CACNA1C: variants seen among roughly 807,000 people sequenced by gnomAD.
CACNA1C encodes calcium voltage-gated channel subunit alpha1 C.
A neutral mutation model predicts 229.0 loss-of-function variants in CACNA1C; 30 were observed. The observed-to-expected ratio is 0.13, with a 90% CI of 0.10 to 0.18. CACNA1C has a LOEUF of 0.18. CACNA1C is among the 10% of genes least tolerant of loss of function. The pLI, the probability that CACNA1C is intolerant of heterozygous loss-of-function variation, is 1.00. For missense variants in CACNA1C, 1,658 were observed against 2,845.0 expected (o/e 0.58, Z 9.49); for synonymous variants, 1,114 against 1,132.5 (o/e 0.98, Z 0.33).
At chr12:2,640,084 G>A (rs1323813743) in intron 30 of CACNA1C, among the ~76,000 whole-genome samples, 1 of 152,170 alleles carries the variant, frequency 6.6e-6, no homozygotes, top group Non-Finnish European at 1.5e-5. Flanking sequence ...ATGACCTGAT[G>A]AGCACGGATC....
intron 3 of CACNA1C, among the ~76,000 whole-genome samples, chr12:2,430,141 G>T (rs2283308): frequency 0.77 from 116,957 of 151,920 alleles, 45,133 homozygotes; most frequent in Admixed American, 0.81. Context: ...CTGGGTCTCT[G>T]GTATAACAGT....
chr12:2,523,155 G>T (rs371739124), intron 9 of CACNA1C, among the ~76,000 whole-genome samples: 1 of 151,680 alleles, frequency 6.6e-6, no homozygotes, highest in Non-Finnish European at 1.5e-5. Flanking sequence ...GGGCGGGGGC[G>T]GTGGTGCTGG....
At chr12:2,571,543 A>G (rs1472537941) in intron 13 of CACNA1C, among the ~76,000 whole-genome samples, 2 of 152,314 alleles carry the variant, frequency 1.3e-5, no homozygotes, top group Admixed American at 6.5e-5. Flanking sequence ...CATTCATTCT[A>G]TTTTTAATCA....
chr12:2,448,145 C>CA (rs1340476245), intron 3 of CACNA1C, among the ~76,000 whole-genome samples: 1 of 152,162 alleles, frequency 6.6e-6, no homozygotes, highest in Non-Finnish European at 1.5e-5. Flanking sequence ...ATTGAGCCAA[C>CA]AAGTTTGTCC....
At chr12:2,201,225 G>A (rs1048207804) in intron 3 of CACNA1C, among the ~76,000 whole-genome samples, 2 of 151,802 alleles carry the variant, frequency 1.3e-5, no homozygotes, top group Non-Finnish European at 3.0e-5. Flanking sequence ...AAAAAATAAA[G>A]AAGGGCACAG....
At chr12:2,083,491 G>A (rs1218292934) in intron 1 of CACNA1C, among the ~76,000 whole-genome samples, 1 of 152,184 alleles carries the variant, frequency 6.6e-6, no homozygotes, top group Admixed American at 6.5e-5. Flanking sequence ...CATGTACCTT[G>A]CCATTGGAGA....
intron 29 of CACNA1C, among the ~76,000 whole-genome samples, chr12:2,621,845 A>G (rs149222574): frequency 7.6e-4 from 116 of 152,298 alleles, no homozygotes; most frequent in African/African-American, 2.7e-3. Context: ...ATGTGGGGAT[A>G]TATTAGGTTA....
chr12:2,671,268 C>T (rs979135365), intron 38 of CACNA1C, among the ~76,000 whole-genome samples: 1 of 152,176 alleles, frequency 6.6e-6, no homozygotes, highest in Non-Finnish European at 1.5e-5. Context: ...CCGACTGGGC[C>T]TCCCAAAGTG....
chr12:2,008,690 A>G (rs2043892749), intron 1 of CACNA1C, among the ~76,000 whole-genome samples: 1 of 152,202 alleles, frequency 6.6e-6, no homozygotes, highest in Non-Finnish European at 1.5e-5. Context: ...ATTCTAAGGG[A>G]GATAGAAAAA....
intron 1 of CACNA1C, among the ~76,000 whole-genome samples, chr12:2,045,852 G>A (rs973583742): frequency 1.8e-4 from 28 of 151,960 alleles, no homozygotes; most frequent in African/African-American, 6.5e-4. Context: ...CTTTGCAGAT[G>A]TAATTAACTT....
intron 13 of CACNA1C, among the ~76,000 whole-genome samples, chr12:2,572,037 C>CTTTTTTTTTTTTT (rs5796014): frequency 7.8e-6 from 1 of 128,486 alleles, no homozygotes; most frequent in African/African-American, 2.9e-5. Flanking sequence ...AATTTCTTCT[C>CTTTTTTTTTTTTT]TTTTTTTTTT....
chr12:2,226,325 A>G (rs1361071851), intron 3 of CACNA1C, among the ~76,000 whole-genome samples: 2 of 152,188 alleles, frequency 1.3e-5, no homozygotes, highest in Admixed American at 1.3e-4. Context: ...GACTAAGATT[A>G]ATCATCCCCA....
At position 2,654,591 on chromosome 12, in the gene CACNA1C, A is replaced by G. The variant is rs2095310559; in HGVS notation, c.4141-556A>G. Among the ~76,000 whole-genome samples the G allele has an allele frequency of 6.6e-6, 1 of 152,232 alleles. No homozygotes were observed. The highest frequency in any genetic ancestry group is 6.5e-5 in the Admixed American group (1 of 15,286). ...AGTCCCCTACTTGCTCATCGCAGAA[A>G]GACCCAAGATTCAGTTGCCAAAACC... On this transcript the variant is annotated intron_variant, in intron 33 of 46. Coordinates refer to ENST00000399655, the MANE Select transcript of CACNA1C (RefSeq NM_000719.7). This position sits in a 1 kb window ranked among gnomAD's most constrained non-coding sequence, Gnocchi z 4.4.
At chr12:2,177,634 C>CCTTCTCTCTCTCTTTCTTTCTT (rs1566165741) in intron 3 of CACNA1C, among the ~76,000 whole-genome samples, 3 of 112,876 alleles carry the variant, frequency 2.7e-5, no homozygotes, top group Non-Finnish European at 5.1e-5. Context: ...CCTTCTCTCT[C>CCTTCTCTCTCTCTTTCTTTCTT]TCTTTCTTTC....
intron 1 of CACNA1C, among the ~76,000 whole-genome samples, chr12:2,094,809 T>G (rs1324005663): frequency 6.6e-6 from 1 of 152,194 alleles, no homozygotes; most frequent in Non-Finnish European, 1.5e-5. Flanking sequence ...GCAGCCACTC[T>G]GGATGGGGCC....
chr12:2,518,481 T>A (rs1227079419), intron 9 of CACNA1C, among the ~76,000 whole-genome samples: 1 of 151,318 alleles, frequency 6.6e-6, no homozygotes, highest in Admixed American at 6.6e-5. Flanking sequence ...GGTGGCGGGC[T>A]CCTGTAGTCC....
chr12:2,505,770 C>T (rs973982364), intron 8 of CACNA1C, among the ~76,000 whole-genome samples: 1 of 152,170 alleles, frequency 6.6e-6, no homozygotes, highest in Non-Finnish European at 1.5e-5. Flanking sequence ...GAAGTCCACA[C>T]CAGCCATGCC....
At chr12:2,521,507 G>A (rs1359188473) in intron 9 of CACNA1C, among the ~76,000 whole-genome samples, 2 of 152,148 alleles carry the variant, frequency 1.3e-5, no homozygotes, top group Admixed American at 1.3e-4. Context: ...CCTCTCCAGG[G>A]CCTGGAGGAC....
Position 2,595,790 on chromosome 12 carries a change from G to A in CACNA1C, c.2664-84G>A, listed in dbSNP as rs1331228879. On this transcript the variant is annotated intron_variant, in intron 19 of 46. Transcript: ENST00000399655. This position sits in a 1 kb window ranked among gnomAD's most constrained non-coding sequence, Gnocchi z 4.1. Reference sequence around the variant, plus strand: ...CTGTTGCCAGCTGCTGGGGAGAGCTGAGGAGAGGGGCTCCCAAGAGCCGAC... The same window carrying A: ...CTGTTGCCAGCTGCTGGGGAGAGCTAAGGAGAGGGGCTCCCAAGAGCCGAC... The A allele has an allele frequency of 7.3e-7, 1 of 1,370,788 alleles. No homozygotes were observed. Among genetic ancestry groups the A allele is most frequent in the East Asian group, 2.3e-5 (1 of 42,902 alleles). The allele number at this position is 1,370,788 out of a possible 1,614,324, so 84.9% of individuals were successfully genotyped here.
Sources: gnomAD v4.1 joint callset for allele counts (sites outside exome capture counted in the v4.1 genomes callset) on GRCh38, gnomAD v4.1.1 for gene constraint, Gnocchi (gnomAD v3.1) non-coding constraint, MANE v1.5 for transcripts, NCBI Gene and HGNC (gene_info 2026-07-23, HGNC 2026-07-21) for gene names.